Variants in PGM2 observed in about 807,000 individuals in gnomAD.
PGM2 encodes phosphopentomutase.
Under a neutral mutation model 74.6 loss-of-function variants are expected in PGM2, and 57 were observed. The observed-to-expected ratio is 0.76, with a 90% CI of 0.62 to 0.95. The LOEUF is 0.95. PGM2 is among the 40% of genes least tolerant of loss of function. PGM2 has a pLI of 0.00. For missense variants in PGM2, 706 were observed against 741.9 expected, an observed-to-expected ratio of 0.95 and a Z score of 0.56; for synonymous variants, 273 against 260.7, an observed-to-expected ratio of 1.05 and a Z score of -0.46.
intron 11 of PGM2, among the ~76,000 whole-genome samples, chr4:37,849,387 G>A (rs1009239345): frequency 6.6e-6 from 1 of 150,938 alleles, no homozygotes; most frequent in Non-Finnish European, 1.5e-5. Flanking sequence ...TGATCCCTGG[G>A]GTAGATTGTT....
chr4:37,847,561 T>C, intron 10 of PGM2: 1 of 399,122 alleles, frequency 2.5e-6, no homozygotes, highest in Non-Finnish European at 4.7e-6. Context: ...TGCCGGTACA[T>C]GTATTTTGGG....
At chr4:37,831,610 A>G (rs1442515040) in intron 2 of PGM2, among the ~76,000 whole-genome samples, 2 of 152,168 alleles carry the variant, frequency 1.3e-5, no homozygotes, top group African/African-American at 4.8e-5. Context: ...GAACCCCTTC[A>G]TGTGGCCTGG....
At chr4:37,861,434 G>A in intron 13 of PGM2, 76 bp from the exon 14 acceptor site, 1 of 882,980 alleles carries the variant, frequency 1.1e-6, no homozygotes, top group Non-Finnish European at 1.9e-6. Context: ...ATTGTCACTT[G>A]GTCAATGGGG....
intron 1 of PGM2, among the ~76,000 whole-genome samples, chr4:37,827,887 C>T (rs1725339860): frequency 6.6e-6 from 1 of 152,200 alleles, no homozygotes; most frequent in Admixed American, 6.5e-5. Context: ...CACCCACTTT[C>T]ATTGTGCACT....
chr4:37,841,820 A>G (rs1030947739), intron 6 of PGM2, among the ~76,000 whole-genome samples: 1 of 152,148 alleles, frequency 6.6e-6, no homozygotes, highest in Non-Finnish European at 1.5e-5. Flanking sequence ...TTGCTTGAGT[A>G]TGTGTGTGGG....
At position 37,840,178 on chromosome 4, in the gene PGM2, A is replaced by G. The variant is rs1560414798; in HGVS notation, c.638A>G (p.Asp213Gly). 1 of 1,612,804 alleles carries G rather than the reference A, an allele frequency of 6.2e-7. No homozygotes were observed. The highest frequency in any genetic ancestry group is 8.5e-7 in the Non-Finnish European group (1 of 1,178,784). The change falls in exon 6 of 14, where the codon GAT (aspartate) becomes GGT (glycine). Residue 213 changes from aspartate (D) to glycine (G), a missense_variant. Physicochemically the swap from Asp to Gly is moderately conservative, Grantham distance 94. Coordinates refer to ENST00000381967, the MANE Select transcript of PGM2 (RefSeq NM_018290.4). ...WPQAWDDSLI[D>G]SSPLLHNPSA... The stretch of plus-strand genomic sequence containing the variant: ...CAAGCTTGGGACGATTCTTTAATTG[A>G]TAGCAGTCCACTTCTCCACAATCCG...
At chr4:37,837,666 T>G in intron 4 of PGM2, 53 bp downstream of exon 4, 1 of 1,126,178 alleles carries the variant, frequency 8.9e-7, no homozygotes, top group Non-Finnish European at 1.4e-6. Flanking sequence ...GGGATGGGAC[T>G]TGGCTGAATT....
intron 6 of PGM2, among the ~76,000 whole-genome samples, chr4:37,843,301 A>AGATTTT (rs1339948376): frequency 6.6e-6 from 1 of 152,180 alleles, no homozygotes; most frequent in Non-Finnish European, 1.5e-5. Context: ...TTGTTTTTCC[A>AGATTTT]GATTTTTCTT....
At chr4:37,829,312 C>T (rs1725376172) in intron 1 of PGM2, among the ~76,000 whole-genome samples, 2 of 152,204 alleles carry the variant, frequency 1.3e-5, no homozygotes, top group South Asian at 4.1e-4. Flanking sequence ...GTCACCCAAT[C>T]TCTGAGGCTT....
At position 37,841,082 on chromosome 4, in the gene PGM2, A is replaced by ATATATATATATATATATATG. The variant is rs1318622995; in HGVS notation, c.719+825_719+844dup. 6.9e-5 allele frequency among the ~76,000 whole-genome samples: 8 copies of ATATATATATATATATATATG among 115,560 alleles called. No individual in the cohort carries two copies. In the East Asian group the frequency reaches 2.0e-3, roughly 28 times the overall value. The allele number at this position is 115,560 out of a possible 152,430, so 75.8% of individuals were successfully genotyped here. A position where few individuals can be genotyped will look rare whatever the true frequency, so the allele number is the denominator to read the frequency against. On this transcript the variant is annotated intron_variant, in intron 6 of 13. Transcript: ENST00000381967. ...TGTGCATATGCAAGCGTATATATAT[A>ATATATATATATATATATATG]TATATATATATATATATATGTGTGT...
At chr4:37,828,828 C>A (rs1319568461) in intron 1 of PGM2, among the ~76,000 whole-genome samples, 1 of 152,160 alleles carries the variant, frequency 6.6e-6, no homozygotes, top group African/African-American at 2.4e-5. Context: ...TGTACCTGAT[C>A]TGAGCCTTTC....
Position 37,830,139 on chromosome 4 carries a change from G to A in PGM2, c.249+8G>A. The A allele has an allele frequency of 6.6e-7, 1 of 1,523,996 alleles. No individual in the cohort carries two copies. 94.4% of individuals were successfully genotyped at this position (1,523,996 alleles called of 1,614,324 possible). On this transcript the variant is annotated splice_region_variant and intron_variant, in intron 2 of 13. Transcript: ENST00000381967. The stretch of plus-strand genomic sequence containing the variant: ...ATCATCCAGACTACACAGGTACCAT[G>A]TTTTTTATAATTCTTAGTAACTCAA...
intron 13 of PGM2, among the ~76,000 whole-genome samples, chr4:37,856,371 C>T (rs533601844): frequency 8.2e-4 from 125 of 152,076 alleles, no homozygotes; most frequent in African/African-American, 2.7e-3. Flanking sequence ...GGCGACAGAG[C>T]GAGACTCCAT....
intron 6 of PGM2, among the ~76,000 whole-genome samples, chr4:37,840,938 A>T (rs1725692111): frequency 1.4e-5 from 2 of 143,828 alleles, no homozygotes; most frequent in African/African-American, 5.0e-5. Flanking sequence ...ATACATATTC[A>T]TACATGTAAG....
At chr4:37,829,850 A>G (rs1332094060) in intron 1 of PGM2, 114 bp from the exon 2 acceptor site, 1 of 315,704 alleles carries the variant, frequency 3.2e-6, no homozygotes, top group East Asian at 6.0e-5. Flanking sequence ...AGGTCTACAT[A>G]TATATATATA....
chr4:37,847,335 G>A, intron 10 of PGM2, 40 bp downstream of exon 10: 1 of 1,428,840 alleles, frequency 7.0e-7, no homozygotes, highest in Non-Finnish European at 9.9e-7. Context: ...TGGCTGCAAG[G>A]CAAAAGGAAA....
At chr4:37,854,077 A>G (rs573646483) in intron 12 of PGM2, among the ~76,000 whole-genome samples, 4 of 152,214 alleles carry the variant, frequency 2.6e-5, no homozygotes, top group Middle Eastern at 6.8e-3. Flanking sequence ...CTCCTTCCGC[A>G]GGCACTCAGA....
At chr4:37,856,886 C>G (rs560698245) in intron 13 of PGM2, among the ~76,000 whole-genome samples, 1 of 152,066 alleles carries the variant, frequency 6.6e-6, no homozygotes, top group Admixed American at 6.6e-5. Context: ...CTAGTATATC[C>G]AAAAATTATT....
At chr4:37,860,393 T>C (rs1711726873) in intron 13 of PGM2, among the ~76,000 whole-genome samples, 1 of 152,244 alleles carries the variant, frequency 6.6e-6, no homozygotes, top group Non-Finnish European at 1.5e-5. Context: ...AATTGCTTTA[T>C]ATAATTTATC....
Sources: allele counts gnomAD v4.1 joint callset (sites outside exome capture counted in the v4.1 genomes callset), GRCh38; gene constraint gnomAD v4.1.1; transcripts MANE v1.5; gene names NCBI Gene and HGNC (gene_info 2026-07-23, HGNC 2026-07-21).